The following ABHD2 variants were observed in gnomAD, a reference collection of about 807,000 sequenced individuals.
ABHD2 encodes the protein monoacylglycerol lipase ABHD2.
ABHD2 carries 20 observed loss-of-function variants against 48.1 expected under a neutral mutation model. The observed-to-expected ratio is 0.42, with a 90% CI of 0.29 to 0.60. The LOEUF (loss-of-function observed/expected upper bound fraction) is 0.60, where lower values mean the gene tolerates loss of function less well. Among genes scored for constraint, ABHD2 ranks in the 20% least tolerant of loss-of-function variants. The pLI, the probability that ABHD2 is intolerant of heterozygous loss-of-function variation, is 0.24. For synonymous variants in ABHD2, 209 were observed against 214.2 expected (o/e 0.98, Z 0.21); for missense variants, 405 against 550.9 (o/e 0.74, Z 2.65).
chr15:89,134,488 A>G (rs2050271409), intron 3 of ABHD2, among the ~76,000 whole-genome samples: 1 of 151,954 alleles, frequency 6.6e-6, no homozygotes, highest in African/African-American at 2.4e-5. Context: ...TGTTCTGTTG[A>G]TGGTCCTGAA....
chr15:89,072,508 G>A, the ABHD2 span, among the ~76,000 whole-genome samples: 1 of 148,156 alleles, frequency 6.7e-6, no homozygotes, highest in Non-Finnish European at 1.5e-5. Context: ...AGAAGGGGAA[G>A]GGGAAGGATG....
At chr15:89,052,554 G>GACAC in the ABHD2 span, among the ~76,000 whole-genome samples, 4 of 118,628 alleles carry the variant, frequency 3.4e-5, no homozygotes, top group African/African-American at 1.1e-4. Flanking sequence ...CAGACAGACA[G>GACAC]ACAGACACAC....
At chr15:89,128,044 CTG>C (rs1451231844) in intron 3 of ABHD2, among the ~76,000 whole-genome samples, 1 of 152,176 alleles carries the variant, frequency 6.6e-6, no homozygotes, top group African/African-American at 2.4e-5. Flanking sequence ...AGGACAGAGA[CTG>C]TCTTAAAAAT....
At chr15:89,072,469 C>A in the ABHD2 span, among the ~76,000 whole-genome samples, 2 of 141,672 alleles carry the variant, frequency 1.4e-5, no homozygotes, top group Non-Finnish European at 1.5e-5. Context: ...GAGCAAGACT[C>A]GGTCTCAAAA....
the ABHD2 span, among the ~76,000 whole-genome samples, chr15:89,052,622 A>G: frequency 6.6e-6 from 1 of 151,994 alleles, no homozygotes. Context: ...ATGAGGGCAG[A>G]GATTGGGCAA....
intron 5 of ABHD2, among the ~76,000 whole-genome samples, chr15:89,163,216 G>A (rs549797897): frequency 2.0e-5 from 3 of 152,244 alleles, no homozygotes; most frequent in Middle Eastern, 6.8e-3. Flanking sequence ...AATTATAAAG[G>A]ATCTTTTCCC....
intron 3 of ABHD2, among the ~76,000 whole-genome samples, chr15:89,118,984 C>T (rs2050005637): frequency 1.3e-5 from 2 of 152,140 alleles, no homozygotes; most frequent in South Asian, 2.1e-4. Context: ...CCTTGGACCT[C>T]GTGGCTGTGT....
chr15:89,146,367 T>C lies in ABHD2; in HGVS notation c.195-5310T>C, dbSNP rs1045689017. On this transcript the variant is annotated intron_variant, in intron 3 of 10. Coordinates refer to ENST00000352732, the MANE Select transcript of ABHD2 (RefSeq NM_152924.5). The surrounding 1 kb of genome is among the most constrained non-coding windows in gnomAD (Gnocchi z 4.2). ...GCTCAAAGACGTACGTGTGTGTGTG[T>C]GTGTGTGTGTGTGTGTGTGTGTGTG... Among the ~76,000 whole-genome samples, 4 of 143,248 alleles carry C rather than the reference T, an allele frequency of 2.8e-5. No individual in the cohort carries two copies. Among genetic ancestry groups the C allele is most frequent in the African/African-American group, 1.1e-4 (4 of 35,392 alleles). The allele number at this position is 143,248 out of a possible 152,430, so 94.0% of individuals were successfully genotyped here. A position where few individuals can be genotyped will look rare whatever the true frequency, so the allele number is the denominator to read the frequency against.
chr15:89,058,305 C>T, the ABHD2 span, among the ~76,000 whole-genome samples: 5 of 152,204 alleles, frequency 3.3e-5, no homozygotes, highest in Admixed American at 3.3e-4. Context: ...GCTTCCTCCA[C>T]ACCCACACCC....
At chr15:89,065,603 A>C in the ABHD2 span, among the ~76,000 whole-genome samples, 1 of 152,216 alleles carries the variant, frequency 6.6e-6, no homozygotes, top group Admixed American at 6.5e-5. Flanking sequence ...GCATTTCACT[A>C]AATGCAGCAT....
At chr15:89,135,567 C>T in intron 3 of ABHD2, 1 of 1,486,786 alleles carries the variant, frequency 6.7e-7, no homozygotes, top group Non-Finnish European at 9.2e-7. Context: ...CTTCATCTTC[C>T]TCCTCCTCAT....
At chr15:89,122,538 CAG>C (rs2150827095) in intron 3 of ABHD2, among the ~76,000 whole-genome samples, 2 of 152,340 alleles carry the variant, frequency 1.3e-5, no homozygotes, top group East Asian at 3.9e-4. Context: ...TCAGCTCTGA[CAG>C]AGCTTTGTTG....
In ABHD2 at chr15:89,116,540, C is replaced by G. The variant is rs2049964440; in HGVS notation, c.194+19C>G. 1.3e-6 allele frequency: 2 copies of G among 1,599,660 alleles called. No individual in the cohort carries two copies. The highest frequency in any genetic ancestry group is 2.7e-5 in the African/African-American group (2 of 74,362). On this transcript the variant is annotated intron_variant, in intron 3 of 10. Transcript: ENST00000352732. The surrounding 1 kb of genome is among the most constrained non-coding windows in gnomAD (Gnocchi z 4.6). ...CCAAAGAGTGAGTAGACCTCATGCC[C>G]TCTGTATGCTCAGCTGCTGATGTAT...
At position 89,143,523 on chromosome 15, in the gene ABHD2, T is replaced by C. The variant is rs1296031925; in HGVS notation, c.195-8154T>C. 3.9e-5 allele frequency among the ~76,000 whole-genome samples: 6 copies of C among 152,054 alleles called. 1 individual carries two copies. The highest frequency in any genetic ancestry group is 1.5e-5 in the Non-Finnish European group (1 of 67,986). ...TCTGTACTAAAAATACAAAATTAGC[T>C]GGGCATAGTGGTGCATGCCTGTAAT... On this transcript the variant is annotated intron_variant, in intron 3 of 10. Coordinates refer to ENST00000352732, the MANE Select transcript of ABHD2 (RefSeq NM_152924.5).
chr15:89,075,439 C>CA, the ABHD2 span: 2 of 152,032 alleles, frequency 1.3e-5, no homozygotes, highest in African/African-American at 4.8e-5. This position sits in a 1 kb window ranked among gnomAD's most constrained non-coding sequence, Gnocchi z 4.1. Flanking sequence ...CAGATCGAGT[C>CA]AAAGGTATGG....
At position 89,175,774 on chromosome 15, in the gene ABHD2, C is replaced by G. The variant is rs781435580; in HGVS notation, c.539-38C>G. 2 of 1,612,572 alleles carry G rather than the reference C, an allele frequency of 1.2e-6. No individual in the cohort carries two copies. Among genetic ancestry groups the G allele is most frequent in the East Asian group, 4.5e-5 (2 of 44,870 alleles). ...TTGCATTTTCTCCAGATAGGATGCACCTGAAATGATTGAGCAATCTCACCC... is the reference window on the plus strand; with the variant it reads ...TTGCATTTTCTCCAGATAGGATGCAGCTGAAATGATTGAGCAATCTCACCC... On this transcript the variant is annotated intron_variant, in intron 5 of 10. Coordinates refer to ENST00000352732, the MANE Select transcript of ABHD2 (RefSeq NM_152924.5). The surrounding 1 kb of genome is among the most constrained non-coding windows in gnomAD (Gnocchi z 5.7).
rs1193388580 is a variant in ABHD2 at position 89,106,022 on chromosome 15, C to G, written c.-106-7703C>G. 6.6e-6 allele frequency among the ~76,000 whole-genome samples: 1 copy of G among 152,112 alleles called. No individual in the cohort carries two copies. Among genetic ancestry groups the G allele is most frequent in the Non-Finnish European group, 1.5e-5 (1 of 68,012 alleles). ...CAGCCGAGAGGTGGTCTTTTAAAAC[C>G]CAGAGTATTGGCCAGGTGCAGTAGC... is the stretch of plus-strand genomic sequence containing the variant. On this transcript the variant is annotated intron_variant, in intron 1 of 10. Coordinates refer to ENST00000352732, the MANE Select transcript of ABHD2 (RefSeq NM_152924.5). The surrounding 1 kb of genome is among the most constrained non-coding windows in gnomAD (Gnocchi z 4.2).
At chr15:89,190,328 C>T (rs929730238) in intron 8 of ABHD2, among the ~76,000 whole-genome samples, 4 of 152,176 alleles carry the variant, frequency 2.6e-5, no homozygotes, top group Non-Finnish European at 5.9e-5. Context: ...AGCTGCGGCC[C>T]CTCATTCATG....
rs2049876271 is a variant in ABHD2, at chr15:89,111,605, GA to G, written c.-106-2116del. ...TCTGCATTCCAGGGATGCAAGAAGG[GA>G]AAAGGGCAGACAAAGGGTGAACTCC... On this transcript the variant is annotated intron_variant, in intron 1 of 10. Transcript: ENST00000352732. Among the ~76,000 whole-genome samples the G allele has an allele frequency of 2.6e-5, 4 of 152,306 alleles. No individual in the cohort carries two copies. The East Asian group carries it at 5.8e-4, about 22-fold the overall frequency.
Sources: allele counts gnomAD v4.1 joint callset (sites outside exome capture counted in the v4.1 genomes callset), GRCh38; gene constraint gnomAD v4.1.1; non-coding constraint Gnocchi (gnomAD v3.1); transcripts MANE v1.5; gene names NCBI Gene and HGNC (gene_info 2026-07-23, HGNC 2026-07-21).